The following DCC variants were observed in gnomAD, a reference collection of about 807,000 sequenced individuals.
DCC encodes DCC netrin 1 receptor.
Under a neutral mutation model 172.5 loss-of-function variants are expected in DCC, and 58 were observed. The observed-to-expected ratio is 0.34, with a 90% confidence interval of 0.27 to 0.42. The LOEUF is 0.42. Among genes scored for constraint, DCC ranks in the 10% least tolerant of loss-of-function variants. DCC has a pLI of 1.00. For synonymous variants in DCC, 709 were observed against 644.5 expected, an observed-to-expected ratio of 1.10 and a Z score of -1.52; for missense variants, 1,740 against 1,791.0, an observed-to-expected ratio of 0.97 and a Z score of 0.51.
intron 15 of DCC, among the ~76,000 whole-genome samples, chr18:53,349,615 T>C (rs1170958341): frequency 1.3e-5 from 2 of 152,222 alleles, no homozygotes; most frequent in African/African-American, 4.8e-5. Flanking sequence ...TACAGTTCCA[T>C]GTGGCTGGGG....
chr18:53,155,143 C>A (rs2054709613), intron 7 of DCC, among the ~76,000 whole-genome samples: 1 of 151,208 alleles, frequency 6.6e-6, no homozygotes, highest in South Asian at 2.1e-4. Context: ...CTCTGTATAG[C>A]TAGTAAGAAT....
intron 5 of DCC, among the ~76,000 whole-genome samples, chr18:53,016,160 TATATG>T (rs1334206891): frequency 6.6e-6 from 1 of 152,024 alleles, no homozygotes; most frequent in Non-Finnish European, 1.5e-5. Flanking sequence ...AAAAAGAAAA[TATATG>T]GAAGTGGGTG....
At chr18:52,889,868 G>A (rs2039623384) in intron 2 of DCC, among the ~76,000 whole-genome samples, 1 of 152,076 alleles carries the variant, frequency 6.6e-6, no homozygotes, top group Admixed American at 6.6e-5. Context: ...CTTAATAGAT[G>A]GTCCTTTGCC....
At chr18:53,207,577 T>C (rs752964006) in intron 10 of DCC, 102 bp from the exon 11 acceptor site, 46 of 1,132,564 alleles carry the variant, frequency 4.1e-5, no homozygotes, top group Non-Finnish European at 5.6e-5. Flanking sequence ...TGGAGTGTAG[T>C]TTGTAAGAGT....
intron 1 of DCC, among the ~76,000 whole-genome samples, chr18:52,435,970 T>A (rs1243385535): frequency 1.3e-5 from 2 of 152,124 alleles, no homozygotes; most frequent in Admixed American, 6.5e-5. Flanking sequence ...GGCAACCATC[T>A]CCCCAGTAGG....
intron 23 of DCC, 117 bp from the exon 24 acceptor site, chr18:53,459,115 C>A: frequency 2.4e-6 from 2 of 837,746 alleles, no homozygotes; most frequent in Non-Finnish European, 4.0e-6. Flanking sequence ...TTTCACAGGG[C>A]TCATTCTGCG....
chr18:52,997,909 C>T (rs904425093), intron 5 of DCC, among the ~76,000 whole-genome samples: 1 of 152,002 alleles, frequency 6.6e-6, no homozygotes, highest in Non-Finnish European at 1.5e-5. Context: ...CAGACATCAC[C>T]TCCTCAGAGC....
chr18:52,814,411 C>T (rs1369535378), intron 2 of DCC, among the ~76,000 whole-genome samples: 1 of 152,192 alleles, frequency 6.6e-6, no homozygotes, highest in African/African-American at 2.4e-5. Context: ...GGTGCAGTCT[C>T]TCCTCTGGGA....
chr18:53,355,909 A>T (rs1158146869), intron 15 of DCC, among the ~76,000 whole-genome samples: 2 of 152,044 alleles, frequency 1.3e-5, no homozygotes, highest in African/African-American at 2.4e-5. Flanking sequence ...AGTTTTCATT[A>T]TGCTTCTTCT....
intron 21 of DCC, among the ~76,000 whole-genome samples, chr18:53,431,473 TGTTGTTG>T (rs1172706827): frequency 8.7e-5 from 13 of 149,004 alleles, no homozygotes; most frequent in Admixed American, 2.0e-4. Context: ...CTTTGTTTTT[TGTTGTTG>T]TTGTTGTTGT....
intron 1 of DCC, among the ~76,000 whole-genome samples, chr18:52,356,908 G>A (rs574579455): frequency 4.6e-5 from 7 of 152,028 alleles, no homozygotes; most frequent in East Asian, 1.9e-4. Flanking sequence ...TCAGCCTCCC[G>A]AGTAGCTGGG....
chr18:53,184,015 A>C (rs920011957), intron 9 of DCC, among the ~76,000 whole-genome samples: 5 of 150,990 alleles, frequency 3.3e-5, no homozygotes, highest in East Asian at 3.9e-4. Context: ...AAAAAAAAAA[A>C]AAAAAAACTC....
chr18:52,819,972 G>A (rs1015935557), intron 2 of DCC, among the ~76,000 whole-genome samples: 17 of 151,868 alleles, frequency 1.1e-4, no homozygotes, highest in African/African-American at 2.4e-4. Flanking sequence ...CACCTGCCTC[G>A]GCCTCCCAAA....
intron 2 of DCC, among the ~76,000 whole-genome samples, chr18:52,809,760 A>G (rs1409629337): frequency 6.6e-6 from 1 of 152,180 alleles, no homozygotes; most frequent in African/African-American, 2.4e-5. Context: ...CACAGCTCCC[A>G]TACAATGAGA....
At chr18:52,870,214 C>T (rs9807410) in intron 2 of DCC, among the ~76,000 whole-genome samples, 7,495 of 152,098 alleles carry the variant, frequency 0.049, 205 homozygotes, top group Middle Eastern at 0.065. Context: ...AGAGTGGTGA[C>T]GCAGGAACAG....
chr18:53,010,095 T>A (rs985506426), intron 5 of DCC, among the ~76,000 whole-genome samples: 1 of 152,034 alleles, frequency 6.6e-6, no homozygotes, highest in African/African-American at 2.4e-5. Context: ...GTTTAGTTAA[T>A]GTTGCAATTA....
rs1173163864 is a variant in DCC, at chr18:53,516,091, C to G, written c.4112-10526C>G. 2.1e-5 allele frequency among the ~76,000 whole-genome samples: 3 copies of G among 146,224 alleles called. No homozygotes were observed. The East Asian group carries it at 6.0e-4, about 29-fold the overall frequency. ...TAACCAAAACAGGATGGTACTGGTA[C>G]CAAAACAGAGATATAGATCAATGGA... On this transcript the variant is annotated intron_variant, in intron 27 of 28. Coordinates refer to ENST00000442544, the MANE Select transcript of DCC (RefSeq NM_005215.4).
chr18:53,096,914 C>T (rs933454247), intron 7 of DCC, among the ~76,000 whole-genome samples: 1 of 151,940 alleles, frequency 6.6e-6, no homozygotes, highest in Non-Finnish European at 1.5e-5. Flanking sequence ...GTACATTTTA[C>T]ACAAAATACA....
intron 12 of DCC, among the ~76,000 whole-genome samples, chr18:53,247,881 C>T (rs935418276): frequency 1.4e-4 from 22 of 151,980 alleles, no homozygotes; most frequent in Admixed American, 6.6e-5. Context: ...GTCTTTAGCC[C>T]TAAGTCTAAG....
Sources: allele counts gnomAD v4.1 joint callset (sites outside exome capture counted in the v4.1 genomes callset), GRCh38; gene constraint gnomAD v4.1.1; transcripts MANE v1.5; gene names NCBI Gene and HGNC (gene_info 2026-07-23, HGNC 2026-07-21).